Variants in NRXN3 observed in about 807,000 individuals in gnomAD.
NRXN3 encodes the protein neurexin 3.
A neutral mutation model predicts 137.6 loss-of-function variants in NRXN3; 32 were observed. That is an observed-to-expected ratio of 0.23 (90% CI 0.18 to 0.31). The LOEUF is 0.31. Among genes scored for constraint, NRXN3 ranks in the 10% least tolerant of loss-of-function variants. NRXN3 has a pLI of 1.00. For synonymous variants in NRXN3, 798 were observed against 784.5 expected (o/e 1.02, Z -0.29); for missense variants, 1,574 against 2,062.5 (o/e 0.76, Z 4.59).
At chr14:78,477,119 T>C (rs2095393549) in intron 4 of NRXN3, among the ~76,000 whole-genome samples, 1 of 152,236 alleles carries the variant, frequency 6.6e-6, no homozygotes. Context: ...CTCTTCTATG[T>C]CTCTGGGAAG....
At chr14:79,132,385 A>C (rs1251753844) in intron 15 of NRXN3, among the ~76,000 whole-genome samples, 2 of 152,258 alleles carry the variant, frequency 1.3e-5, no homozygotes, top group Admixed American at 6.5e-5. Flanking sequence ...TATAAAATAC[A>C]CATCAAATTT....
chr14:79,260,730 A>G (rs1044320711), intron 15 of NRXN3, among the ~76,000 whole-genome samples: 1 of 152,204 alleles, frequency 6.6e-6, no homozygotes, highest in Non-Finnish European at 1.5e-5. Context: ...ATGTTACTTT[A>G]TAAATTCTCA....
At chr14:78,759,121 G>A (rs1243361105) in intron 8 of NRXN3, among the ~76,000 whole-genome samples, 6 of 152,200 alleles carry the variant, frequency 3.9e-5, no homozygotes, top group African/African-American at 1.4e-4. Context: ...CGGACCAGAT[G>A]TTAGGCACTT....
chr14:78,748,895 A>G (rs1567208971), intron 8 of NRXN3, among the ~76,000 whole-genome samples: 1 of 152,216 alleles, frequency 6.6e-6, no homozygotes, highest in Non-Finnish European at 1.5e-5. Flanking sequence ...TGCTGGGAAT[A>G]TCAGACTCTG....
At chr14:79,603,328 C>T (rs2097951418) in intron 16 of NRXN3, among the ~76,000 whole-genome samples, 2 of 152,290 alleles carry the variant, frequency 1.3e-5, no homozygotes, top group Admixed American at 6.5e-5. Context: ...TTTCAAGCCT[C>T]ATCTACTTCA....
At chr14:78,896,567 T>C (rs1462292349) in intron 10 of NRXN3, among the ~76,000 whole-genome samples, 3 of 151,638 alleles carry the variant, frequency 2.0e-5, no homozygotes, top group East Asian at 1.9e-4. Flanking sequence ...CTTCCAGAGA[T>C]TGGTTGAGAA....
At chr14:78,387,577 T>C (rs1346688390) in intron 4 of NRXN3, among the ~76,000 whole-genome samples, 2 of 152,212 alleles carry the variant, frequency 1.3e-5, no homozygotes, top group Non-Finnish European at 2.9e-5. Flanking sequence ...CTAGGGCTCC[T>C]GGCTGAGACG....
At chr14:79,040,224 GT>G (rs2099622944) in intron 15 of NRXN3, among the ~76,000 whole-genome samples, 3 of 152,304 alleles carry the variant, frequency 2.0e-5, no homozygotes, top group South Asian at 4.2e-4. Flanking sequence ...TCCTGCCTAA[GT>G]TTTTGGCCTG....
rs74064084 is a variant in NRXN3 at position 78,364,622 on chromosome 14, A to G, written c.757+66762A>G. 7.2e-3 allele frequency among the ~76,000 whole-genome samples: 1,095 copies of G among 152,294 alleles called. 11 individuals carry two copies. The highest frequency in any genetic ancestry group is 0.025 in the African/African-American group (1,047 of 41,568). Reference sequence around the variant, plus strand: ...GTATCCTGAAAGGAGGGCATGTTTGATGTCAGTACTTTCATATGTTCATTG... The same window carrying G: ...GTATCCTGAAAGGAGGGCATGTTTGGTGTCAGTACTTTCATATGTTCATTG... On this transcript the variant is annotated intron_variant, in intron 4 of 20. Transcript: ENST00000335750.
At chr14:79,063,784 C>T (rs142107300) in intron 15 of NRXN3, among the ~76,000 whole-genome samples, 62 of 151,874 alleles carry the variant, frequency 4.1e-4, no homozygotes, top group Middle Eastern at 6.8e-3. Context: ...CAAGATAGAG[C>T]GAAAAACTCC....
intron 4 of NRXN3, among the ~76,000 whole-genome samples, chr14:78,550,404 C>T (rs1005301893): frequency 2.0e-5 from 3 of 152,082 alleles, no homozygotes; most frequent in Non-Finnish European, 1.5e-5. Context: ...CCAATGAACC[C>T]ATGGTGCAAT....
intron 16 of NRXN3, among the ~76,000 whole-genome samples, chr14:79,605,859 G>A (rs2098006180): frequency 1.3e-5 from 2 of 152,138 alleles, no homozygotes; most frequent in African/African-American, 4.8e-5. Context: ...TGCCTTGTCA[G>A]CTATAATAAA....
intron 4 of NRXN3, among the ~76,000 whole-genome samples, chr14:78,574,170 G>A (rs1262328487): frequency 6.6e-6 from 1 of 152,222 alleles, no homozygotes; most frequent in Non-Finnish European, 1.5e-5. Context: ...CAGATGTATG[G>A]GAATGCCTGG....
intron 15 of NRXN3, among the ~76,000 whole-genome samples, chr14:79,294,112 G>T (rs2083638768): frequency 6.6e-6 from 1 of 152,146 alleles, no homozygotes; most frequent in South Asian, 2.1e-4. Flanking sequence ...AAGTATCTGA[G>T]GGTCGTGCTG....
rs34025659 is a variant in NRXN3, at chr14:79,560,504, CTTTTTTT to C, written c.3444+93120_3444+93126del. Among the ~76,000 whole-genome samples, 2 of 43,766 alleles carry C rather than the reference CTTTTTTT, an allele frequency of 4.6e-5. 1 individual carries two copies. Among genetic ancestry groups the C allele is most frequent in the Non-Finnish European group, 8.1e-5 (2 of 24,706 alleles). The allele number at this position is 43,766 out of a possible 152,430, so 28.7% of individuals were successfully genotyped here. A position where few individuals can be genotyped will look rare whatever the true frequency, so the allele number is the denominator to read the frequency against. ...AATTCTACAAGGACAAGATTGTAAG[CTTTTTTT>C]TTTTTTTTTTTTTTTTTGAGATGGA... On this transcript the variant is annotated intron_variant, in intron 16 of 20. Transcript: ENST00000335750.
At chr14:79,540,690 G>A (rs1015123856) in intron 16 of NRXN3, among the ~76,000 whole-genome samples, 3 of 152,160 alleles carry the variant, frequency 2.0e-5, no homozygotes, top group African/African-American at 7.2e-5. Context: ...CACAAGAGAG[G>A]ACATGTAAAT....
chr14:79,586,581 C>T (rs867343447), intron 16 of NRXN3, among the ~76,000 whole-genome samples: 1 of 152,064 alleles, frequency 6.6e-6, no homozygotes, highest in Admixed American at 6.5e-5. Flanking sequence ...TAACTACACC[C>T]GCCTCAGCCA....
At chr14:78,378,059 A>G (rs2088232058) in intron 4 of NRXN3, among the ~76,000 whole-genome samples, 1 of 152,242 alleles carries the variant, frequency 6.6e-6, no homozygotes, top group South Asian at 2.1e-4. Context: ...GAATTGAAAT[A>G]CAAATTGTGT....
intron 4 of NRXN3, among the ~76,000 whole-genome samples, chr14:78,602,672 C>T (rs2097211933): frequency 6.6e-6 from 1 of 152,118 alleles, no homozygotes; most frequent in Admixed American, 6.5e-5. Context: ...GGTTGAAGCC[C>T]AGCTAGAAGC....
Sources: gnomAD v4.1 joint callset for allele counts (sites outside exome capture counted in the v4.1 genomes callset) on GRCh38, gnomAD v4.1.1 for gene constraint, MANE v1.5 for transcripts, NCBI Gene and HGNC (gene_info 2026-07-23, HGNC 2026-07-21) for gene names.